MPPED2: variants seen among roughly 807,000 people sequenced by gnomAD.
MPPED2 encodes the protein metallophosphoesterase domain containing 2.
A neutral mutation model predicts 33.0 loss-of-function variants in MPPED2; 5 were observed. The observed-to-expected ratio is 0.15, with a 90% CI of 0.08 to 0.32. The LOEUF is 0.32. Among genes scored for constraint, MPPED2 ranks in the 10% least tolerant of loss-of-function variants. The pLI, the probability that MPPED2 is intolerant of heterozygous loss-of-function variation, is 1.00. For missense variants in MPPED2, 275 were observed against 372.1 expected (o/e 0.74, Z 2.15); for synonymous variants, 136 against 141.9 (o/e 0.96, Z 0.29).
intron 2 of MPPED2, among the ~76,000 whole-genome samples, chr11:30,559,005 G>T (rs1956119949): frequency 6.6e-6 from 1 of 152,168 alleles, no homozygotes; most frequent in Admixed American, 6.5e-5. Flanking sequence ...GAATGGAATA[G>T]AAAATAAAGA....
At chr11:30,470,408 C>T (rs180970378) in intron 4 of MPPED2, among the ~76,000 whole-genome samples, 170 of 152,150 alleles carry the variant, frequency 1.1e-3, no homozygotes, top group African/African-American at 4.0e-3. Context: ...GATGAGTAAT[C>T]GTCTGGAGAC....
intron 2 of MPPED2, among the ~76,000 whole-genome samples, chr11:30,551,377 C>G (rs1955704423): frequency 6.6e-6 from 1 of 152,242 alleles, no homozygotes; most frequent in East Asian, 1.9e-4. Flanking sequence ...ATCATGAGGC[C>G]TCTGTTATAA....
Position 30,580,511 on chromosome 11 carries a change from A to T in MPPED2, c.-121-17T>A. The stretch of plus-strand genomic sequence containing the variant: ...TGTGCATTTCTGAAAGAAAAAAAAA[A>T]TGTATATAAAATGAGAACAAAGAGA... On this transcript the variant is annotated splice_polypyrimidine_tract_variant and intron_variant, in intron 1 of 6. Coordinates refer to ENST00000358117, the MANE Select transcript of MPPED2 (RefSeq NM_001584.3). The T allele has an allele frequency of 7.0e-7, 1 of 1,419,760 alleles. No homozygotes were observed. The highest frequency in any genetic ancestry group is 9.2e-7 in the Non-Finnish European group (1 of 1,082,820). The allele number at this position is 1,419,760 out of a possible 1,614,324, so 87.9% of individuals were successfully genotyped here.
At chr11:30,386,356 T>G in exon 7 of MPPED2, 1 of 173,300 alleles carries the variant, frequency 5.8e-6, no homozygotes. Flanking sequence ...GGGGGCCACA[T>G]TCAGGACCCC....
intron 2 of MPPED2, among the ~76,000 whole-genome samples, chr11:30,578,980 C>T (rs1401701378): frequency 1.4e-5 from 2 of 147,998 alleles, no homozygotes; most frequent in Non-Finnish European, 3.0e-5. Flanking sequence ...TAGCAGTAAC[C>T]ACTTACAAGG....
chr11:30,538,596 T>C (rs904603443), intron 2 of MPPED2, among the ~76,000 whole-genome samples: 3 of 152,182 alleles, frequency 2.0e-5, no homozygotes, highest in South Asian at 2.1e-4. Context: ...AATATCAAAG[T>C]CCAAGGAACA....
chr11:30,584,415 G>A (rs1166576641), intron 1 of MPPED2, among the ~76,000 whole-genome samples: 1 of 150,780 alleles, frequency 6.6e-6, no homozygotes, highest in Non-Finnish European at 1.5e-5. Context: ...CTCACGGCTG[G>A]CTCTTCCCGG....
chr11:30,461,197 T>G lies in MPPED2; in HGVS notation c.536+34099A>C, dbSNP rs56895772. On this transcript the variant is annotated intron_variant, in intron 4 of 6. Transcript: ENST00000358117. ...TATAGACGGAAGGTAGAATGGTGGT[T>G]GCTAGGGGCTCGGGTGAAGGAGGAA... Among the ~76,000 whole-genome samples the G allele has an allele frequency of 5.5e-4, 83 of 152,260 alleles. 1 individual carries two copies. The East Asian group carries it at 0.014, about 25-fold the overall frequency.
intron 2 of MPPED2, among the ~76,000 whole-genome samples, chr11:30,558,204 TA>T (rs1448519331): frequency 2.6e-5 from 4 of 152,130 alleles, no homozygotes; most frequent in African/African-American, 9.7e-5. Flanking sequence ...GTAAATTTAT[TA>T]AAAAGAAAGA....
intron 3 of MPPED2, among the ~76,000 whole-genome samples, chr11:30,499,399 A>T (rs1952449793): frequency 6.6e-6 from 1 of 152,230 alleles, no homozygotes; most frequent in South Asian, 2.1e-4. Flanking sequence ...GAAATGCTCC[A>T]ATGAACATTT....
At chr11:30,387,025 A>C in exon 7 of MPPED2, 1 of 361,566 alleles carries the variant, frequency 2.8e-6, no homozygotes, top group Non-Finnish European at 4.9e-6. Flanking sequence ...TGATGGAAGC[A>C]GATCTGAACC....
intron 3 of MPPED2, among the ~76,000 whole-genome samples, chr11:30,499,783 G>C (rs749210304): frequency 2.0e-5 from 3 of 152,298 alleles, no homozygotes; most frequent in South Asian, 2.1e-4. Flanking sequence ...TAAGCTTGCT[G>C]CTGGTGGGAC....
At chr11:30,420,533 C>T (rs964789500) in intron 4 of MPPED2, among the ~76,000 whole-genome samples, 12 of 152,320 alleles carry the variant, frequency 7.9e-5, no homozygotes, top group Admixed American at 2.6e-4. Context: ...GTACCTACAA[C>T]GTCTGAGCTG....
At chr11:30,391,524 T>C (rs1173348609) in intron 6 of MPPED2, among the ~76,000 whole-genome samples, 2 of 152,198 alleles carry the variant, frequency 1.3e-5, no homozygotes. Flanking sequence ...ACATATTGCC[T>C]GTGATATATG....
At chr11:30,570,719 T>A (rs892171291) in intron 2 of MPPED2, among the ~76,000 whole-genome samples, 3 of 152,194 alleles carry the variant, frequency 2.0e-5, no homozygotes, top group African/African-American at 4.8e-5. Flanking sequence ...GAGACTTAAT[T>A]TTTTTCTTGA....
At chr11:30,437,496 A>G (rs1307722259) in intron 4 of MPPED2, among the ~76,000 whole-genome samples, 1 of 152,152 alleles carries the variant, frequency 6.6e-6, no homozygotes, top group African/African-American at 2.4e-5. Context: ...TCTGTTTCTA[A>G]GTAAGTCCTT....
chr11:30,569,720 T>C (rs497971), intron 2 of MPPED2, among the ~76,000 whole-genome samples: 144,015 of 152,250 alleles, frequency 0.95, 68,170 homozygotes, highest in African/African-American at 0.98. Context: ...TTTTGAATTA[T>C]CCCAAAAATC....
intron 2 of MPPED2, among the ~76,000 whole-genome samples, chr11:30,544,392 C>T (rs1955298552): frequency 1.3e-5 from 2 of 152,170 alleles, no homozygotes; most frequent in South Asian, 2.1e-4. Flanking sequence ...GTATGTTGGT[C>T]TGTCAGTTGG....
At position 30,564,593 on chromosome 11, in the gene MPPED2, G is replaced by T. The variant is rs542409399; in HGVS notation, c.128+15653C>A. 2.6e-5 allele frequency among the ~76,000 whole-genome samples: 4 copies of T among 152,286 alleles called. No homozygotes were observed. The East Asian group carries it at 7.7e-4, about 29-fold the overall frequency. On this transcript the variant is annotated intron_variant, in intron 2 of 6. Coordinates refer to ENST00000358117, the MANE Select transcript of MPPED2 (RefSeq NM_001584.3). Reference sequence around the variant, plus strand: ...GGAGACCAAGATTCAAACTTTGGCAGTATGCTTCTGGAAACCACGTTCTTA... The same window carrying T: ...GGAGACCAAGATTCAAACTTTGGCATTATGCTTCTGGAAACCACGTTCTTA...
Sources: allele counts gnomAD v4.1 joint callset (sites outside exome capture counted in the v4.1 genomes callset), GRCh38; gene constraint gnomAD v4.1.1; transcripts MANE v1.5; gene names NCBI Gene and HGNC (gene_info 2026-07-23, HGNC 2026-07-21).